The following INPP5A variants were observed in gnomAD, a reference collection of about 807,000 sequenced individuals.
INPP5A encodes 43 kDa inositol polyphosphate 5-phophatase.
Under a neutral mutation model 65.2 loss-of-function variants are expected in INPP5A, and 14 were observed. The observed-to-expected ratio is 0.21, with a 90% CI of 0.14 to 0.34. The LOEUF is 0.34. INPP5A is among the 10% of genes least tolerant of loss of function. The pLI is 1.00. For synonymous variants in INPP5A, 207 were observed against 208.3 expected (o/e 0.99, Z 0.05); for missense variants, 431 against 545.6 (o/e 0.79, Z 2.09).
rs536407314 is a variant in INPP5A at position 132,766,120 on chromosome 10, C to G, written c.977+274C>G. ...TGCACGAGTGCATCTGTGTGTGCAC[C>G]TGTGCATCTGTGTGTGCACGTGTGC... is the stretch of plus-strand genomic sequence containing the variant. On this transcript the variant is annotated intron_variant, in intron 12 of 15. Transcript: ENST00000368594. Among the ~76,000 whole-genome samples the G allele has an allele frequency of 1.9e-3, 287 of 151,562 alleles. 1 individual carries two copies. The highest frequency in any genetic ancestry group is 5.7e-3 in the African/African-American group (236 of 41,312).
chr10:132,769,193 A>G (rs1846906937), intron 12 of INPP5A, among the ~76,000 whole-genome samples: 1 of 152,262 alleles, frequency 6.6e-6, no homozygotes, highest in Admixed American at 6.5e-5. Context: ...CTCTGAATGA[A>G]TTGTAACTGA....
chr10:132,670,207 C>T (rs1407730005), intron 4 of INPP5A, among the ~76,000 whole-genome samples: 1 of 102,966 alleles, frequency 9.7e-6, no homozygotes, highest in African/African-American at 3.8e-5. Context: ...CCCACCCCCC[C>T]GACCCCACAC....
rs1432408865 is a variant in INPP5A, at chr10:132,782,973, CAAT to C, written c.*949_*951del. The C allele has an allele frequency of 7.9e-5, 12 of 152,326 alleles. No individual in the cohort carries two copies. Among genetic ancestry groups the C allele is most frequent in the Non-Finnish European group, 1.6e-4 (11 of 68,030 alleles). 9.4% of individuals were successfully genotyped at this position (152,326 alleles called of 1,614,324 possible). A position where few individuals can be genotyped will look rare whatever the true frequency, so the allele number is the denominator to read the frequency against. ...TGGTGCCAAGTATCCTACGTTACAA[CAAT>C]AATATCATGGGAGAAATAGAAATAG... On this transcript the variant is annotated 3_prime_UTR_variant, in exon 16 of 16. Transcript: ENST00000368594. The surrounding 1 kb of genome is among the most constrained non-coding windows in gnomAD (Gnocchi z 4.4).
intron 6 of INPP5A, among the ~76,000 whole-genome samples, chr10:132,702,935 C>T (rs985826336): frequency 3.9e-5 from 6 of 152,182 alleles, no homozygotes; most frequent in Non-Finnish European, 8.8e-5. Flanking sequence ...GGCAGGGGCA[C>T]TACCGCGAGT....
chr10:132,593,293 G>A (rs1190098031), intron 1 of INPP5A, among the ~76,000 whole-genome samples: 1 of 152,132 alleles, frequency 6.6e-6, no homozygotes, highest in African/African-American at 2.4e-5. Flanking sequence ...GATTACACTG[G>A]ATGTGAATGC....
chr10:132,645,295 G>A lies in INPP5A; in HGVS notation c.118-573G>A, dbSNP rs139211318. ...TGCCACTTAGTGGAAGTGGCCTTGC[G>A]TGAGTTGCTGCTGTGTGTCGGCGTC... On this transcript the variant is annotated intron_variant, in intron 2 of 15. Transcript: ENST00000368594. Among the ~76,000 whole-genome samples the A allele has an allele frequency of 7.9e-3, 1,206 of 152,314 alleles. 14 individuals carry two copies. Among genetic ancestry groups the A allele is most frequent in the African/African-American group, 0.028 (1,155 of 41,560 alleles).
At chr10:132,579,956 T>C (rs2071461623) in intron 1 of INPP5A, among the ~76,000 whole-genome samples, 1 of 151,220 alleles carries the variant, frequency 6.6e-6, no homozygotes, top group Non-Finnish European at 1.5e-5. Flanking sequence ...CTTGCTATCT[T>C]GCCTAGGCTG....
At chr10:132,568,502 T>C (rs1590835312) in intron 1 of INPP5A, among the ~76,000 whole-genome samples, 1 of 151,780 alleles carries the variant, frequency 6.6e-6, no homozygotes, top group African/African-American at 2.4e-5. Flanking sequence ...GGGAGGCTGG[T>C]AATTGGGAGG....
chr10:132,667,647 C>T (rs1320091515), intron 4 of INPP5A, among the ~76,000 whole-genome samples: 1 of 152,174 alleles, frequency 6.6e-6, no homozygotes, highest in Non-Finnish European at 1.5e-5. Flanking sequence ...CGAGCATTAA[C>T]AGGCTTAATT....
intron 9 of INPP5A, among the ~76,000 whole-genome samples, chr10:132,746,681 C>T (rs1258911913): frequency 1.3e-5 from 2 of 152,138 alleles, no homozygotes; most frequent in Admixed American, 6.5e-5. Context: ...GACGGCACAC[C>T]GGACCACTCT....
intron 9 of INPP5A, among the ~76,000 whole-genome samples, chr10:132,748,727 C>T (rs1047780845): frequency 2.6e-5 from 4 of 152,202 alleles, no homozygotes; most frequent in Admixed American, 6.5e-5. Context: ...GGAGAGAGAT[C>T]GGCACTCACT....
chr10:132,573,589 T>C, intron 1 of INPP5A, among the ~76,000 whole-genome samples: 1 of 138,278 alleles, frequency 7.2e-6, no homozygotes, highest in East Asian at 2.2e-4. Flanking sequence ...GGGGTGTGTG[T>C]GCCGTGTGAG....
intron 13 of INPP5A, among the ~76,000 whole-genome samples, chr10:132,779,493 G>A (rs1426620095): frequency 1.3e-5 from 2 of 152,280 alleles, no homozygotes; most frequent in Admixed American, 6.5e-5. Context: ...ACATTGTGCT[G>A]CCGCTGCCAG....
At chr10:132,755,052 T>C (rs1196143790) in intron 11 of INPP5A, among the ~76,000 whole-genome samples, 1 of 151,778 alleles carries the variant, frequency 6.6e-6, no homozygotes, top group Non-Finnish European at 1.5e-5. Context: ...TATGCATGTG[T>C]GTGATCATAT....
At chr10:132,597,081 G>T (rs1338296788) in intron 1 of INPP5A, among the ~76,000 whole-genome samples, 1 of 151,924 alleles carries the variant, frequency 6.6e-6, no homozygotes, top group Non-Finnish European at 1.5e-5. Flanking sequence ...GTGTGTGCGT[G>T]TGTGTATGTG....
At chr10:132,654,068 T>G (rs112004488) in intron 4 of INPP5A, among the ~76,000 whole-genome samples, 4,526 of 152,356 alleles carry the variant, frequency 0.03, 95 homozygotes, top group African/African-American at 0.055. Flanking sequence ...AGCCGTGCTG[T>G]GTCTGAGGCC....
chr10:132,726,717 G>A, intron 8 of INPP5A, 104 bp from the exon 9 acceptor site: 2 of 805,192 alleles, frequency 2.5e-6, no homozygotes, highest in South Asian at 3.3e-5. Flanking sequence ...GCAGGTGACA[G>A]AACAGAGAGT....
At chr10:132,586,533 G>A (rs547625622) in intron 1 of INPP5A, among the ~76,000 whole-genome samples, 3 of 152,300 alleles carry the variant, frequency 2.0e-5, no homozygotes, top group African/African-American at 7.2e-5. Context: ...CTGGTGCTGC[G>A]GAACATCTGG....
intron 11 of INPP5A, among the ~76,000 whole-genome samples, chr10:132,757,021 G>T (rs1846634483): frequency 6.6e-6 from 1 of 152,200 alleles, no homozygotes; most frequent in Admixed American, 6.5e-5. Context: ...ATTTTATACA[G>T]CTATACAATG....
Sources: gnomAD v4.1 joint callset for allele counts (sites outside exome capture counted in the v4.1 genomes callset) on GRCh38, gnomAD v4.1.1 for gene constraint, Gnocchi (gnomAD v3.1) non-coding constraint, MANE v1.5 for transcripts, NCBI Gene and HGNC (gene_info 2026-07-23, HGNC 2026-07-21) for gene names.